TCF7L1: variants seen among roughly 807,000 people sequenced by gnomAD.
TCF7L1 encodes transcription factor 7-like 1.
Under a neutral mutation model 63.7 loss-of-function variants are expected in TCF7L1, and 18 were observed. The ratio of observed to expected loss-of-function variants is 0.28; its 90% CI spans 0.20 to 0.42. The LOEUF is 0.42. Ranked by LOEUF, TCF7L1 falls within the 10% of genes least tolerant of loss-of-function variation. TCF7L1 has a pLI of 1.00. For missense variants in TCF7L1, 654 were observed against 779.3 expected, an observed-to-expected ratio of 0.84 and a Z score of 1.91; for synonymous variants, 355 against 340.9, an observed-to-expected ratio of 1.04 and a Z score of -0.46.
chr2:85,176,922 G>T (rs138911975), intron 3 of TCF7L1, among the ~76,000 whole-genome samples: 1 of 150,534 alleles, frequency 6.6e-6, no homozygotes, highest in Non-Finnish European at 1.5e-5. Flanking sequence ...AGGAGGTGGA[G>T]GTTTCAGTGA....
At chr2:85,196,959 A>T (rs1426840151) in intron 3 of TCF7L1, among the ~76,000 whole-genome samples, 1 of 152,064 alleles carries the variant, frequency 6.6e-6, no homozygotes, top group East Asian at 1.9e-4. Context: ...CTCCCCAGCC[A>T]CACCAACCTG....
intron 4 of TCF7L1, among the ~76,000 whole-genome samples, chr2:85,302,000 C>T (rs745685726): frequency 1.3e-5 from 2 of 151,972 alleles, no homozygotes; most frequent in African/African-American, 2.4e-5. Context: ...TGATGGCAGA[C>T]GCCTGTAATC....
At chr2:85,286,648 A>G (rs1384643364) in intron 4 of TCF7L1, among the ~76,000 whole-genome samples, 2 of 152,098 alleles carry the variant, frequency 1.3e-5, no homozygotes, top group African/African-American at 4.8e-5. Context: ...GGCATGTGCC[A>G]CTATGCCCGG....
At chr2:85,225,830 A>G (rs1679943101) in intron 3 of TCF7L1, among the ~76,000 whole-genome samples, 1 of 152,162 alleles carries the variant, frequency 6.6e-6, no homozygotes, top group South Asian at 2.1e-4. Context: ...AGGAGTGGTG[A>G]GAGAGGGCAT....
intron 3 of TCF7L1, among the ~76,000 whole-genome samples, chr2:85,247,741 C>A (rs1326685045): frequency 1.3e-5 from 2 of 152,160 alleles, no homozygotes; most frequent in Non-Finnish European, 2.9e-5. Context: ...GATTCCATTT[C>A]TTTGTGAACA....
At chr2:85,251,283 A>G (rs142723335) in intron 3 of TCF7L1, among the ~76,000 whole-genome samples, 3 of 152,376 alleles carry the variant, frequency 2.0e-5, no homozygotes, top group African/African-American at 7.2e-5. Context: ...TGGGTAGGTC[A>G]CTGCCCTGCT....
At chr2:85,157,065 A>C (rs901001045) in intron 3 of TCF7L1, among the ~76,000 whole-genome samples, 4 of 152,218 alleles carry the variant, frequency 2.6e-5, no homozygotes, top group African/African-American at 9.6e-5. Flanking sequence ...CCTGGTGTAC[A>C]TATACACATA....
intron 3 of TCF7L1, among the ~76,000 whole-genome samples, chr2:85,159,122 C>G (rs574085052): frequency 8.5e-4 from 130 of 152,276 alleles, no homozygotes; most frequent in African/African-American, 3.0e-3. Flanking sequence ...GAAGCAGGCT[C>G]CAGCTTCAGG....
chr2:85,296,400 A>C (rs1681840604), intron 4 of TCF7L1, among the ~76,000 whole-genome samples: 1 of 152,208 alleles, frequency 6.6e-6, no homozygotes, highest in Admixed American at 6.5e-5. Context: ...ATGTCACTGC[A>C]CTAAAGTTGC....
At chr2:85,184,281 CA>C (rs1678865336) in intron 3 of TCF7L1, among the ~76,000 whole-genome samples, 1 of 152,136 alleles carries the variant, frequency 6.6e-6, no homozygotes, top group Non-Finnish European at 1.5e-5. Flanking sequence ...GAGGACGCTG[CA>C]GTCAGCAGAT....
intron 3 of TCF7L1, among the ~76,000 whole-genome samples, chr2:85,180,571 A>G (rs572161194): frequency 3.9e-4 from 59 of 152,250 alleles, no homozygotes; most frequent in Middle Eastern, 3.4e-3. Context: ...TACAGACCTC[A>G]GTGGAATCTT....
chr2:85,200,660 C>G (rs981903956), intron 3 of TCF7L1, among the ~76,000 whole-genome samples: 2 of 152,170 alleles, frequency 1.3e-5, no homozygotes, highest in Non-Finnish European at 2.9e-5. Flanking sequence ...ACTAGTGGCA[C>G]TTCATATGGG....
intron 3 of TCF7L1, among the ~76,000 whole-genome samples, chr2:85,178,040 T>G (rs1368274599): frequency 6.6e-6 from 1 of 152,030 alleles, no homozygotes; most frequent in Non-Finnish European, 1.5e-5. Flanking sequence ...AGCAGATCAG[T>G]GAAGACAGGA....
chr2:85,261,050 T>G (rs1337200173), intron 3 of TCF7L1, among the ~76,000 whole-genome samples: 2 of 152,132 alleles, frequency 1.3e-5, no homozygotes, highest in South Asian at 2.1e-4. Flanking sequence ...CTTTGTGGTT[T>G]GCAGTCACCT....
At chr2:85,297,912 C>T (rs10178705) in intron 4 of TCF7L1, among the ~76,000 whole-genome samples, 113,785 of 151,748 alleles carry the variant, frequency 0.75, 44,169 homozygotes, top group East Asian at 0.94. Flanking sequence ...CATTTTAACA[C>T]TGTATTAAAA....
intron 3 of TCF7L1, among the ~76,000 whole-genome samples, chr2:85,250,675 G>A (rs1680568040): frequency 3.3e-5 from 5 of 152,118 alleles, no homozygotes; most frequent in Admixed American, 3.3e-4. Flanking sequence ...GGCCTCAAAT[G>A]ATCACCCACC....
intron 4 of TCF7L1, among the ~76,000 whole-genome samples, chr2:85,290,768 C>T (rs1456077679): frequency 2.0e-5 from 3 of 152,206 alleles, no homozygotes; most frequent in East Asian, 3.9e-4. Context: ...AGCTGGCAGG[C>T]TGGAGACTGG....
intron 3 of TCF7L1, among the ~76,000 whole-genome samples, chr2:85,139,568 C>T (rs1367874943): frequency 1.3e-5 from 2 of 152,108 alleles, no homozygotes; most frequent in African/African-American, 4.8e-5. Flanking sequence ...GAAGGCAGGT[C>T]GAAGAAGTAG....
intron 3 of TCF7L1, among the ~76,000 whole-genome samples, chr2:85,153,870 C>T (rs912329193): frequency 6.6e-6 from 1 of 152,152 alleles, no homozygotes; most frequent in Non-Finnish European, 1.5e-5. Flanking sequence ...CTTTTTTATG[C>T]ACAGTATGTA....
Sources: gnomAD v4.1 joint callset for allele counts (sites outside exome capture counted in the v4.1 genomes callset) on GRCh38, gnomAD v4.1.1 for gene constraint, MANE v1.5 for transcripts, NCBI Gene and HGNC (gene_info 2026-07-23, HGNC 2026-07-21) for gene names.